NR4A3: variants seen among roughly 807,000 people sequenced by gnomAD.
NR4A3 encodes the protein nuclear receptor subfamily 4 group A member 3.
Under a neutral mutation model 55.6 loss-of-function variants are expected in NR4A3, and 13 were observed. That is an observed-to-expected ratio of 0.23 (90% CI 0.15 to 0.37). NR4A3 has a LOEUF of 0.37. NR4A3 is among the 10% of genes least tolerant of loss of function. NR4A3 has a pLI of 1.00. For missense variants in NR4A3, 646 were observed against 822.8 expected (o/e 0.79, Z 2.63); for synonymous variants, 342 against 357.9 (o/e 0.96, Z 0.50).
intron 5 of NR4A3, chr9:99,833,686 T>C (rs772082577): frequency 6.4e-7 from 1 of 1,555,912 alleles, no homozygotes; most frequent in East Asian, 2.3e-5. Flanking sequence ...GTGCTGCACC[T>C]GTCATACACA....
chr9:99,843,139 A>G (rs1425284018), intron 5 of NR4A3, among the ~76,000 whole-genome samples: 1 of 152,206 alleles, frequency 6.6e-6, no homozygotes, highest in Non-Finnish European at 1.5e-5. Flanking sequence ...AATTTCTGAA[A>G]GCTGGGTGAA....
chr9:99,844,409 G>A (rs1827717077), intron 5 of NR4A3, among the ~76,000 whole-genome samples: 1 of 152,196 alleles, frequency 6.6e-6, no homozygotes, highest in Admixed American at 6.5e-5. Context: ...AAACCACTTT[G>A]CCAATTCGGC....
At chr9:99,851,908 G>A (rs1416016131) in intron 7 of NR4A3, among the ~76,000 whole-genome samples, 3 of 152,108 alleles carry the variant, frequency 2.0e-5, no homozygotes, top group Non-Finnish European at 4.4e-5. Flanking sequence ...AATAAGCATC[G>A]AGGGCCCACT....
At chr9:99,835,751 CCA>C (rs1827548159) in intron 5 of NR4A3, among the ~76,000 whole-genome samples, 1 of 152,156 alleles carries the variant, frequency 6.6e-6, no homozygotes, top group Non-Finnish European at 1.5e-5. Flanking sequence ...GGAACTGTCC[CCA>C]CACTGAAAAA....
chr9:99,824,950 C>G (rs1827265242), intron 1 of NR4A3, among the ~76,000 whole-genome samples: 1 of 152,226 alleles, frequency 6.6e-6, no homozygotes, highest in South Asian at 2.1e-4. Flanking sequence ...GTGCAGGGGA[C>G]CTGCCTCCGC....
At chr9:99,826,813 A>T (rs555816150) in intron 2 of NR4A3, 1 of 1,610,156 alleles carries the variant, frequency 6.2e-7, no homozygotes, top group South Asian at 1.1e-5. Context: ...TAAGAGAAAG[A>T]TGTCAAAGGA....
chr9:99,844,048 G>A (rs1044149698), intron 5 of NR4A3, among the ~76,000 whole-genome samples: 2 of 142,374 alleles, frequency 1.4e-5, no homozygotes, highest in Non-Finnish European at 3.0e-5. Flanking sequence ...TTACAGGCAT[G>A]AGCCACCGCC....
chr9:99,829,290 C>G (rs1827393998), intron 3 of NR4A3, among the ~76,000 whole-genome samples: 1 of 152,166 alleles, frequency 6.6e-6, no homozygotes, highest in Non-Finnish European at 1.5e-5. Flanking sequence ...GGACCTGTGA[C>G]TTCGAAAATG....
chr9:99,851,178 T>C (rs1050802673), intron 7 of NR4A3, among the ~76,000 whole-genome samples: 1 of 152,202 alleles, frequency 6.6e-6, no homozygotes, highest in African/African-American at 2.4e-5. Context: ...TTCTGGACCT[T>C]ACAACAAACA....
chr9:99,849,937 CAGAAG>C (rs1252944845), intron 7 of NR4A3, among the ~76,000 whole-genome samples: 1 of 152,146 alleles, frequency 6.6e-6, no homozygotes, highest in African/African-American at 2.4e-5. Flanking sequence ...GTGGTCTTCT[CAGAAG>C]AGATCACAGG....
intron 2 of NR4A3, chr9:99,826,793 G>A (rs773694881): frequency 4.0e-5 from 64 of 1,613,638 alleles, no homozygotes; most frequent in Non-Finnish European, 4.9e-5. Flanking sequence ...ATCAGATTTG[G>A]AAATGTGGGT....
intron 2 of NR4A3, among the ~76,000 whole-genome samples, chr9:99,827,454 G>T (rs1295467461): frequency 6.6e-6 from 1 of 152,178 alleles, no homozygotes; most frequent in Non-Finnish European, 1.5e-5. Context: ...CCTATTGGAA[G>T]AGTGGGGATG....
At chr9:99,838,952 C>T (rs1364258119) in intron 5 of NR4A3, among the ~76,000 whole-genome samples, 1 of 152,198 alleles carries the variant, frequency 6.6e-6, no homozygotes, top group Admixed American at 6.5e-5. Context: ...ATAAATTTTC[C>T]TGAAAGCAAT....
intron 5 of NR4A3, among the ~76,000 whole-genome samples, chr9:99,841,332 A>G (rs949050736): frequency 6.6e-6 from 1 of 151,970 alleles, no homozygotes; most frequent in African/African-American, 2.4e-5. Context: ...GGTCTATTAC[A>G]ACACAGAATA....
intron 5 of NR4A3, among the ~76,000 whole-genome samples, chr9:99,843,015 T>C (rs895846798): frequency 6.6e-6 from 1 of 152,250 alleles, no homozygotes; most frequent in African/African-American, 2.4e-5. Context: ...GTGTATCTCT[T>C]AAATCTCTGT....
At chr9:99,860,214 G>A (rs957254125) in intron 7 of NR4A3, among the ~76,000 whole-genome samples, 3 of 148,234 alleles carry the variant, frequency 2.0e-5, no homozygotes, top group Non-Finnish European at 3.0e-5. Flanking sequence ...TGTTGTAAAC[G>A]TTTTTTTTTT....
At chr9:99,832,857 T>G in intron 4 of NR4A3, 39 bp downstream of exon 4, 1 of 1,414,242 alleles carries the variant, frequency 7.1e-7, no homozygotes, top group Non-Finnish European at 9.4e-7. Context: ...TGCTTATACA[T>G]ATTATCAGAA....
At chr9:99,824,449 AG>A (rs1827253592) in intron 1 of NR4A3, among the ~76,000 whole-genome samples, 2 of 152,218 alleles carry the variant, frequency 1.3e-5, no homozygotes, top group African/African-American at 4.8e-5. Flanking sequence ...AGCCGTGGGA[AG>A]ATCCGCTTCT....
intron 7 of NR4A3, among the ~76,000 whole-genome samples, chr9:99,861,828 T>G (rs1202225350): frequency 3.3e-5 from 5 of 152,072 alleles, no homozygotes; most frequent in Non-Finnish European, 5.9e-5. Flanking sequence ...CGGTAGCTCA[T>G]GCCTGTAATT....
Sources: gnomAD v4.1 joint callset for allele counts (sites outside exome capture counted in the v4.1 genomes callset) on GRCh38, gnomAD v4.1.1 for gene constraint, MANE v1.5 for transcripts, NCBI Gene and HGNC (gene_info 2026-07-23, HGNC 2026-07-21) for gene names.